IL1RAPL2: variants seen among roughly 807,000 people sequenced by gnomAD.
IL1RAPL2 encodes X-linked interleukin-1 receptor accessory protein-like 2.
A neutral mutation model predicts 44.1 loss-of-function variants in IL1RAPL2; 3 were observed. The ratio of observed to expected loss-of-function variants is 0.07; its 90% CI spans 0.03 to 0.18. The LOEUF is 0.18. IL1RAPL2 is among the 10% of genes least tolerant of loss of function. The probability of loss-of-function intolerance (pLI) is 1.00; values close to 1 mark genes in which losing one functional copy is unlikely to be tolerated. For synonymous variants in IL1RAPL2, 181 were observed against 178.8 expected, an observed-to-expected ratio of 1.01 and a Z score of -0.10; for missense variants, 391 against 496.4, an observed-to-expected ratio of 0.79 and a Z score of 2.02.
At chrX:105,052,080 G>A (rs2031935199) in intron 2 of IL1RAPL2, among the ~76,000 whole-genome samples, 1 of 112,699 alleles carries the variant, frequency 8.9e-6, no homozygotes. Context: ...TACAACGTAT[G>A]TTACTTTTCT....
At chrX:104,833,405 A>G (rs1921662143) in intron 2 of IL1RAPL2, among the ~76,000 whole-genome samples, 5 of 112,569 alleles carry the variant, frequency 4.4e-5, no homozygotes, top group Admixed American at 3.8e-4. Flanking sequence ...GAGATCACAA[A>G]GAAATCTTTT....
chrX:105,517,666 C>A (rs749359337), intron 6 of IL1RAPL2, among the ~76,000 whole-genome samples: 7 of 110,827 alleles, frequency 6.3e-5, no homozygotes, highest in Admixed American at 1.9e-4. Context: ...TCAAAAAAAA[C>A]AAAAACAAAA....
At chrX:105,660,753 G>A (rs1035528639) in intron 6 of IL1RAPL2, among the ~76,000 whole-genome samples, 1 of 110,226 alleles carries the variant, frequency 9.1e-6, no homozygotes, top group African/African-American at 3.3e-5. Flanking sequence ...GAGACTCATG[G>A]TAACCTCAAA....
At chrX:105,229,523 T>A (rs2034048969) in intron 3 of IL1RAPL2, among the ~76,000 whole-genome samples, 1 of 112,232 alleles carries the variant, frequency 8.9e-6, no homozygotes, top group African/African-American at 3.2e-5. Context: ...TACTGGGCCC[T>A]GGCTTAAAGT....
chrX:105,748,229 G>A (rs1365991259), intron 8 of IL1RAPL2, among the ~76,000 whole-genome samples: 1 of 112,149 alleles, frequency 8.9e-6, no homozygotes, highest in Non-Finnish European at 1.9e-5. Flanking sequence ...TTGTTCCAAT[G>A]CTCAGAGTTC....
At chrX:104,922,229 A>C (rs1301795429) in intron 2 of IL1RAPL2, among the ~76,000 whole-genome samples, 1 of 112,797 alleles carries the variant, frequency 8.9e-6, no homozygotes, top group Non-Finnish European at 1.9e-5. Flanking sequence ...CCAAGTAAAA[A>C]GTCCACTGCC....
intron 6 of IL1RAPL2, among the ~76,000 whole-genome samples, chrX:105,636,492 A>T (rs2037524211): frequency 8.9e-6 from 1 of 111,823 alleles, no homozygotes; most frequent in South Asian, 3.7e-4. Flanking sequence ...TTTTCACAGA[A>T]ATGTTGGAAA....
intron 5 of IL1RAPL2, among the ~76,000 whole-genome samples, chrX:105,440,414 G>A (rs762789886): frequency 1.4e-3 from 158 of 111,732 alleles, no homozygotes; most frequent in African/African-American, 4.9e-3. Flanking sequence ...TATACAAGTG[G>A]ATTCATTCTG....
chrX:104,865,478 A>G (rs1412607409), intron 2 of IL1RAPL2, among the ~76,000 whole-genome samples: 1 of 111,187 alleles, frequency 9.0e-6, no homozygotes, highest in South Asian at 3.9e-4. Context: ...GTTAATATTG[A>G]GTGTCAACTT....
chrX:105,625,778 A>G (rs1207620378), intron 6 of IL1RAPL2, among the ~76,000 whole-genome samples: 1 of 106,929 alleles, frequency 9.4e-6, no homozygotes, highest in Non-Finnish European at 1.9e-5. Context: ...ATGTTCAGAG[A>G]AGAGAGCTCA....
At chrX:105,302,865 G>A (rs2034706951) in intron 5 of IL1RAPL2, among the ~76,000 whole-genome samples, 1 of 112,001 alleles carries the variant, frequency 8.9e-6, no homozygotes, top group Admixed American at 9.5e-5. Context: ...AGTTTATTTT[G>A]TACCCCAGAG....
intron 2 of IL1RAPL2, among the ~76,000 whole-genome samples, chrX:104,763,714 A>G (rs1296958829): frequency 4.5e-5 from 5 of 111,423 alleles, no homozygotes; most frequent in African/African-American, 1.3e-4. Context: ...AGCCACTTAT[A>G]AAACCATCAT....
intron 2 of IL1RAPL2, among the ~76,000 whole-genome samples, chrX:105,039,507 G>C (rs1239708042): frequency 9.0e-6 from 1 of 111,706 alleles, no homozygotes; most frequent in African/African-American, 3.2e-5. Context: ...GTCAACTTCT[G>C]CCTGTAGGTA....
intron 5 of IL1RAPL2, among the ~76,000 whole-genome samples, chrX:105,441,543 C>T (rs2035920362): frequency 8.9e-6 from 1 of 111,867 alleles, no homozygotes; most frequent in African/African-American, 3.3e-5. Context: ...TAAGTGGACT[C>T]TCAACATTTC....
chrX:105,253,119 C>T (rs1020132517), intron 4 of IL1RAPL2, among the ~76,000 whole-genome samples: 4 of 111,589 alleles, frequency 3.6e-5, no homozygotes, highest in African/African-American at 1.3e-4. Flanking sequence ...ATGAATGACT[C>T]AGCATTGAAA....
At chrX:104,886,878 C>T (rs1923262903) in intron 2 of IL1RAPL2, among the ~76,000 whole-genome samples, 2 of 112,066 alleles carry the variant, frequency 1.8e-5, no homozygotes, top group African/African-American at 6.5e-5. Flanking sequence ...TCTGGCCCTT[C>T]AGTATGTGGA....
chrX:105,534,890 T>C (rs2036666562), intron 6 of IL1RAPL2, among the ~76,000 whole-genome samples: 1 of 111,196 alleles, frequency 9.0e-6, no homozygotes, highest in Non-Finnish European at 1.9e-5. Context: ...GACCTAAATA[T>C]AAAAACAAAA....
intron 1 of IL1RAPL2, among the ~76,000 whole-genome samples, chrX:104,654,334 T>C (rs907332272): frequency 9.0e-6 from 1 of 110,929 alleles, no homozygotes; most frequent in African/African-American, 3.3e-5. Flanking sequence ...AGAGTTCAGA[T>C]TGGGTAGTTG....
intron 2 of IL1RAPL2, among the ~76,000 whole-genome samples, chrX:105,059,575 T>C (rs1277288653): frequency 9.0e-6 from 1 of 111,605 alleles, no homozygotes; most frequent in African/African-American, 3.3e-5. Context: ...GTGTTGCCCA[T>C]GCTGGAGTGC....
Sources: allele counts gnomAD v4.1 joint callset (sites outside exome capture counted in the v4.1 genomes callset), GRCh38; gene constraint gnomAD v4.1.1; transcripts MANE v1.5; gene names NCBI Gene and HGNC (gene_info 2026-07-23, HGNC 2026-07-21).